Variants in CDK8 observed in about 807,000 individuals in gnomAD.
CDK8 encodes cyclin dependent kinase 8, also known as cyclin-dependent kinase 8.
A neutral mutation model predicts 71.5 loss-of-function variants in CDK8; 29 were observed. That is an observed-to-expected ratio of 0.41 (90% confidence interval 0.30 to 0.55). CDK8 has a LOEUF of 0.55. CDK8 is among the 20% of genes least tolerant of loss of function. The probability of loss-of-function intolerance (pLI) is 0.37; values close to 1 mark genes in which losing one functional copy is unlikely to be tolerated. For missense variants in CDK8, 288 were observed against 572.6 expected (o/e 0.50, Z 5.07); for synonymous variants, 161 against 192.1 (o/e 0.84, Z 1.34).
At chr13:26,299,961 T>C (rs1873750120) in intron 1 of CDK8, among the ~76,000 whole-genome samples, 1 of 152,136 alleles carries the variant, frequency 6.6e-6, no homozygotes, top group South Asian at 2.1e-4. Context: ...TCTTAGCTCA[T>C]GGTCAGTGCA....
At chr13:26,364,732 T>A (rs1874304729) in intron 4 of CDK8, among the ~76,000 whole-genome samples, 1 of 152,234 alleles carries the variant, frequency 6.6e-6, no homozygotes, top group Non-Finnish European at 1.5e-5. Flanking sequence ...GTATATTTTA[T>A]GTTGGTAAAG....
chr13:26,347,802 T>C (rs377039069), intron 2 of CDK8, among the ~76,000 whole-genome samples: 1 of 152,128 alleles, frequency 6.6e-6, no homozygotes, highest in African/African-American at 2.4e-5. Context: ...TAACCAGTGT[T>C]GGTGAGGATA....
At chr13:26,349,953 A>T (rs920914489) in intron 3 of CDK8, among the ~76,000 whole-genome samples, 1 of 152,072 alleles carries the variant, frequency 6.6e-6, no homozygotes, top group African/African-American at 2.4e-5. Context: ...TACCTTTTCT[A>T]TGTTTACATA....
intron 1 of CDK8, among the ~76,000 whole-genome samples, chr13:26,326,575 G>A (rs573053581): frequency 5.8e-4 from 88 of 152,232 alleles, no homozygotes; most frequent in African/African-American, 2.1e-3. Flanking sequence ...AGAAGTCTTG[G>A]GTAGAAGCTA....
intron 4 of CDK8, among the ~76,000 whole-genome samples, chr13:26,375,990 G>A (rs559373572): frequency 6.6e-6 from 1 of 152,236 alleles, no homozygotes; most frequent in Admixed American, 6.5e-5. Context: ...AGTAGGGGGT[G>A]GGAGTGGCAT....
At position 26,353,797 on chromosome 13, in the gene CDK8, C is replaced by T. The variant is rs1873780072; in HGVS notation, c.373C>T (p.Arg125Trp). Residue 125 changes from arginine to tryptophan, a missense_variant, in exon 4 of 13, where the codon CGG becomes TGG. This residue lies in a region of CDK8 where 95 missense variants were observed against 177.3 expected (regional missense o/e 0.54). Coordinates refer to ENST00000381527, the MANE Select transcript of CDK8 (RefSeq NM_001260.3). ...KANKKPVQLP[R>W]GMVKSLLYQI... is the part of the protein sequence containing the mutation. Reference sequence around the variant, plus strand: ...AAACAAGAAGCCAGTTCAGTTACCTCGGGGAATGGTGAAGTCACTATTATA... The same window carrying T: ...AAACAAGAAGCCAGTTCAGTTACCTTGGGGAATGGTGAAGTCACTATTATA... 1.2e-6 allele frequency: 2 copies of T among 1,612,610 alleles called. No homozygotes were observed. Among genetic ancestry groups the T allele is most frequent in the Non-Finnish European group, 1.7e-6 (2 of 1,178,898 alleles).
chr13:26,357,294 G>T (rs962419362), intron 4 of CDK8, among the ~76,000 whole-genome samples: 2 of 152,188 alleles, frequency 1.3e-5, no homozygotes, highest in African/African-American at 4.8e-5. Context: ...CAGTGTAAAT[G>T]TATGGGTGTT....
chr13:26,308,451 C>T (rs1874138958), intron 1 of CDK8, among the ~76,000 whole-genome samples: 1 of 152,234 alleles, frequency 6.6e-6, no homozygotes, highest in South Asian at 2.1e-4. Flanking sequence ...TGCCAGACCC[C>T]TCTTTACATC....
At chr13:26,363,712 G>A (rs1874255367) in intron 4 of CDK8, among the ~76,000 whole-genome samples, 1 of 151,972 alleles carries the variant, frequency 6.6e-6, no homozygotes, top group Non-Finnish European at 1.5e-5. Context: ...TTGCTGTCCT[G>A]CAGTTTATTT....
At chr13:26,389,412 G>A (rs1180523247) in intron 6 of CDK8, among the ~76,000 whole-genome samples, 1 of 151,786 alleles carries the variant, frequency 6.6e-6, no homozygotes, top group African/African-American at 2.4e-5. Context: ...CGCCTGCCTC[G>A]GCCTCCCAAA....
chr13:26,403,457 GAAAAA>G (rs931287725), intron 12 of CDK8, among the ~76,000 whole-genome samples: 1 of 146,940 alleles, frequency 6.8e-6, no homozygotes, highest in African/African-American at 2.5e-5. Context: ...TGTCTCAAAA[GAAAAA>G]AAAAATAGTT....
chr13:26,375,462 A>C (rs1307963661), intron 4 of CDK8, among the ~76,000 whole-genome samples: 1 of 152,218 alleles, frequency 6.6e-6, no homozygotes, highest in Non-Finnish European at 1.5e-5. Flanking sequence ...TTTATATTGC[A>C]AATGGAAATG....
rs553508554 is a variant in CDK8 at position 26,361,784 on chromosome 13, CTTTTTTTTTT to C, written c.456+7924_456+7933del. 5.2e-4 allele frequency among the ~76,000 whole-genome samples: 33 copies of C among 63,354 alleles called. No homozygotes were observed. In the East Asian group the frequency reaches 9.1e-3, roughly 17 times the overall value. 41.6% of individuals were successfully genotyped at this position (63,354 alleles called of 152,430 possible). On this transcript the variant is annotated intron_variant, in intron 4 of 12. Coordinates refer to ENST00000381527, the MANE Select transcript of CDK8 (RefSeq NM_001260.3). ...TCTTTTTGTCTTTCTTTTCTTTTCC[CTTTTTTTTTT>C]TTTTTTTTTTTTTTTTTTTGAGACA... is the stretch of plus-strand genomic sequence containing the variant.
intron 1 of CDK8, among the ~76,000 whole-genome samples, chr13:26,287,969 A>AT (rs1405046974): frequency 1.3e-5 from 2 of 151,798 alleles, no homozygotes; most frequent in African/African-American, 4.8e-5. Flanking sequence ...AACTTATTTT[A>AT]TTTTATTTTT....
intron 4 of CDK8, among the ~76,000 whole-genome samples, chr13:26,374,662 C>T (rs1203395687): frequency 6.6e-6 from 1 of 151,418 alleles, no homozygotes; most frequent in Non-Finnish European, 1.5e-5. Flanking sequence ...AAAGTCTTGT[C>T]AATAAAACAA....
chr13:26,364,996 C>CTCTGTGTTAAAAACTCT (rs1224673127), intron 4 of CDK8, among the ~76,000 whole-genome samples: 1 of 152,032 alleles, frequency 6.6e-6, no homozygotes, highest in Non-Finnish European at 1.5e-5. Flanking sequence ...ACCTGTTAAG[C>CTCTGTGTTAAAAACTCT]GTGTTTAAAA....
chr13:26,317,620 G>A (rs890211420), intron 1 of CDK8, among the ~76,000 whole-genome samples: 10 of 152,108 alleles, frequency 6.6e-5, no homozygotes, highest in Non-Finnish European at 1.3e-4. Flanking sequence ...GGTAAAGTTA[G>A]AAATGAGAGA....
intron 1 of CDK8, among the ~76,000 whole-genome samples, chr13:26,275,717 G>A (rs564792905): frequency 5.3e-5 from 8 of 152,176 alleles, no homozygotes; most frequent in African/African-American, 1.9e-4. Context: ...TCAAATAGTC[G>A]TAAACTTTCT....
intron 4 of CDK8, among the ~76,000 whole-genome samples, chr13:26,369,560 G>A (rs1226446986): frequency 1.5e-3 from 169 of 114,998 alleles, no homozygotes; most frequent in African/African-American, 5.8e-3. Context: ...AGACAGTCTC[G>A]CTCTGTCACC....
Sources: allele counts gnomAD v4.1 joint callset (sites outside exome capture counted in the v4.1 genomes callset), GRCh38; gene constraint gnomAD v4.1.1; regional missense constraint gnomAD v4.1.1; transcripts MANE v1.5; gene names NCBI Gene and HGNC (gene_info 2026-07-23, HGNC 2026-07-21).